Variants in EXOC6B observed in about 807,000 individuals in gnomAD.
The protein encoded by EXOC6B is SEC15 homolog B.
In EXOC6B, 54 loss-of-function variants were observed where a neutral mutation model predicts 113.5. The observed-to-expected ratio is 0.48, with a 90% CI of 0.38 to 0.60. EXOC6B has a LOEUF of 0.60. EXOC6B is among the 20% of genes least tolerant of loss of function. The pLI is 0.00. For missense variants in EXOC6B, 797 were observed against 977.5 expected, an observed-to-expected ratio of 0.82 and a Z score of 2.46; for synonymous variants, 357 against 339.0, an observed-to-expected ratio of 1.05 and a Z score of -0.58.
intron 18 of EXOC6B, among the ~76,000 whole-genome samples, chr2:72,393,992 T>C (rs1238744639): frequency 6.6e-6 from 1 of 152,212 alleles, no homozygotes; most frequent in Non-Finnish European, 1.5e-5. Context: ...AATGTGATGC[T>C]CTAGAACACT....
chr2:72,379,614 G>A, intron 19 of EXOC6B, 115 bp downstream of exon 19: 1 of 956,024 alleles, frequency 1.0e-6, no homozygotes, highest in Non-Finnish European at 1.5e-6. Flanking sequence ...CTGTTATCTA[G>A]GTATTCTTTG....
chr2:72,250,985 GT>G (rs1316751584), intron 20 of EXOC6B, among the ~76,000 whole-genome samples: 1 of 150,270 alleles, frequency 6.7e-6, no homozygotes, highest in African/African-American at 2.4e-5. Flanking sequence ...TAGTTGAGTA[GT>G]TGGCTAATTT....
chr2:72,555,845 C>T (rs905087153), intron 8 of EXOC6B, among the ~76,000 whole-genome samples: 7 of 152,090 alleles, frequency 4.6e-5, no homozygotes, highest in African/African-American at 9.7e-5. Context: ...CAGAGTTTCA[C>T]CATGTTGCCA....
chr2:72,596,048 T>G (rs4852879), intron 6 of EXOC6B, among the ~76,000 whole-genome samples: 4,335 of 152,080 alleles, frequency 0.029, 236 homozygotes, highest in African/African-American at 0.099. Flanking sequence ...TCAGTAATAA[T>G]AGATGTCAAA....
intron 19 of EXOC6B, among the ~76,000 whole-genome samples, chr2:72,341,413 G>GA (rs1689027220): frequency 6.6e-6 from 1 of 152,032 alleles, no homozygotes; most frequent in South Asian, 2.1e-4. Flanking sequence ...ACAATAGACT[G>GA]AAAATGAAAG....
intron 11 of EXOC6B, among the ~76,000 whole-genome samples, chr2:72,509,164 A>G (rs1460822091): frequency 6.6e-6 from 1 of 152,190 alleles, no homozygotes; most frequent in Non-Finnish European, 1.5e-5. Context: ...GCAGGCATAC[A>G]CTGAGGAAAG....
intron 20 of EXOC6B, among the ~76,000 whole-genome samples, chr2:72,230,485 TTC>T (rs1681550240): frequency 6.6e-6 from 1 of 152,192 alleles, no homozygotes; most frequent in Non-Finnish European, 1.5e-5. Flanking sequence ...TTCACCTCTA[TTC>T]TACAGTCTCT....
chr2:72,681,438 A>G (rs559957352), intron 6 of EXOC6B, among the ~76,000 whole-genome samples: 1 of 152,264 alleles, frequency 6.6e-6, no homozygotes, highest in East Asian at 1.9e-4. Flanking sequence ...AAGAGTCTTA[A>G]ATGTCTTTTA....
At chr2:72,187,207 C>T (rs1678496320) in intron 20 of EXOC6B, among the ~76,000 whole-genome samples, 1 of 152,006 alleles carries the variant, frequency 6.6e-6, no homozygotes, top group Admixed American at 6.6e-5. Context: ...TTGGAGATGC[C>T]AGGAACCACA....
Position 72,405,229 on chromosome 2 carries a change from G to C in EXOC6B, c.1981-25359C>G, listed in dbSNP as rs572957161. Among the ~76,000 whole-genome samples, 16 of 152,344 alleles carry C rather than the reference G, an allele frequency of 1.1e-4. No homozygotes were observed. In the East Asian group the frequency reaches 2.9e-3, roughly 28 times the overall value. On this transcript the variant is annotated intron_variant, in intron 18 of 21. Transcript: ENST00000272427. The stretch of plus-strand genomic sequence containing the variant: ...GAAAGACCAAATCTACATCTGATTG[G>C]TGTACTTGAAAGTGACAGGGAGAAT...
chr2:72,638,854 A>G lies in EXOC6B; in HGVS notation c.670-63186T>C, dbSNP rs1409637117. On this transcript the variant is annotated intron_variant, in intron 6 of 21. Transcript: ENST00000272427. ...GGAGACTTTAGCCCTAGGGGTCCTG[A>G]ACTCTGCAGGGTTGTCTTGCCCATC... is the stretch of plus-strand genomic sequence containing the variant. Among the ~76,000 whole-genome samples the G allele has an allele frequency of 2.6e-5, 4 of 152,184 alleles. No homozygotes were observed. In the East Asian group the frequency reaches 7.8e-4, roughly 30 times the overall value.
At chr2:72,363,685 T>TA (rs1359523283) in intron 19 of EXOC6B, among the ~76,000 whole-genome samples, 4 of 152,042 alleles carry the variant, frequency 2.6e-5, no homozygotes, top group African/African-American at 9.7e-5. Flanking sequence ...CACAATGAAA[T>TA]ACAGCCTTTC....
chr2:72,401,508 TATATATACATATATAC>T (rs1693168249), intron 18 of EXOC6B, among the ~76,000 whole-genome samples: 2 of 50,946 alleles, frequency 3.9e-5, no homozygotes, highest in African/African-American at 7.7e-4. Flanking sequence ...TATATATATA[TATATATACATATATAC>T]ATATATATAT....
chr2:72,768,266 T>C (rs1359155050), intron 1 of EXOC6B, among the ~76,000 whole-genome samples: 2 of 150,460 alleles, frequency 1.3e-5, no homozygotes, highest in Non-Finnish European at 3.0e-5. Context: ...AACTCAATTC[T>C]ATTCCCCTAG....
At chr2:72,410,209 G>A (rs1694079526) in intron 18 of EXOC6B, among the ~76,000 whole-genome samples, 1 of 152,200 alleles carries the variant, frequency 6.6e-6, no homozygotes, top group South Asian at 2.1e-4. Context: ...CATTCCCAGA[G>A]ACTGCTTTTC....
chr2:72,791,543 T>C lies in EXOC6B; in HGVS notation c.113+34255A>G, dbSNP rs138210444. ...GCCTGAGCAACAGAGTGAGACCCTG[T>C]CTCAAAAAACTAAATATATAAATAG... On this transcript the variant is annotated intron_variant, in intron 1 of 21. Transcript: ENST00000272427. Among the ~76,000 whole-genome samples the C allele has an allele frequency of 2.4e-4, 36 of 152,178 alleles. 1 individual carries two copies. The East Asian group carries it at 5.2e-3, about 22-fold the overall frequency.
intron 20 of EXOC6B, among the ~76,000 whole-genome samples, chr2:72,215,551 A>G (rs146755195): frequency 3.1e-4 from 47 of 152,322 alleles, no homozygotes; most frequent in African/African-American, 1.0e-3. Flanking sequence ...ACTGAAATCT[A>G]AAGAAAGACA....
At chr2:72,635,035 C>A (rs1032405805) in intron 6 of EXOC6B, among the ~76,000 whole-genome samples, 1 of 150,852 alleles carries the variant, frequency 6.6e-6, no homozygotes, top group Non-Finnish European at 1.5e-5. Context: ...TGAAAATAAA[C>A]CAAACCAAAA....
chr2:72,744,446 GAAT>G (rs1681559906), intron 1 of EXOC6B, among the ~76,000 whole-genome samples: 1 of 152,056 alleles, frequency 6.6e-6, no homozygotes, highest in Non-Finnish European at 1.5e-5. Context: ...AAGCTGTTTG[GAAT>G]ACATAAGAGA....
Sources: gnomAD v4.1 joint callset for allele counts (sites outside exome capture counted in the v4.1 genomes callset) on GRCh38, gnomAD v4.1.1 for gene constraint, MANE v1.5 for transcripts, NCBI Gene and HGNC (gene_info 2026-07-23, HGNC 2026-07-21) for gene names.